Variants in PRKCH observed in about 807,000 individuals in gnomAD.
The protein encoded by PRKCH is protein kinase C eta type.
Under a neutral mutation model 82.5 loss-of-function variants are expected in PRKCH, and 28 were observed. That is an observed-to-expected ratio of 0.34 (90% CI 0.25 to 0.47). The LOEUF (loss-of-function observed/expected upper bound fraction) is 0.47. Ranked by LOEUF, PRKCH falls within the 20% of genes least tolerant of loss-of-function variation. The pLI, the probability that PRKCH is intolerant of heterozygous loss-of-function variation, is 1.00. For synonymous variants in PRKCH, 322 were observed against 327.4 expected, an observed-to-expected ratio of 0.98 and a Z score of 0.18; for missense variants, 705 against 881.8, an observed-to-expected ratio of 0.80 and a Z score of 2.54.
chr14:61,540,355 G>A (rs570802474), intron 12 of PRKCH, among the ~76,000 whole-genome samples: 48 of 152,342 alleles, frequency 3.2e-4, no homozygotes, highest in African/African-American at 1.1e-3. Flanking sequence ...AGTAAACTGT[G>A]TAATGATTCT....
At chr14:61,325,741 C>A (rs535692624) in intron 1 of PRKCH, among the ~76,000 whole-genome samples, 5 of 152,228 alleles carry the variant, frequency 3.3e-5, no homozygotes, top group African/African-American at 1.2e-4. Flanking sequence ...TATAAAAGAA[C>A]TCTAACAGCA....
At chr14:61,266,690 G>A (rs1044773001) in intron 1 of PRKCH, among the ~76,000 whole-genome samples, 9 of 152,166 alleles carry the variant, frequency 5.9e-5, no homozygotes, top group African/African-American at 1.9e-4. Flanking sequence ...ATTGTCTCAC[G>A]AGAATATGTA....
chr14:61,514,143 C>T (rs559430289), intron 10 of PRKCH, among the ~76,000 whole-genome samples: 5 of 152,034 alleles, frequency 3.3e-5, no homozygotes, highest in African/African-American at 9.7e-5. Flanking sequence ...CAGAACATGC[C>T]GGGGATACCA....
chr14:61,337,057 C>T (rs1469471189), intron 1 of PRKCH, among the ~76,000 whole-genome samples: 1 of 93,564 alleles, frequency 1.1e-5, no homozygotes, highest in Non-Finnish European at 1.9e-5. Flanking sequence ...TACGAAGTGA[C>T]AGTCTGTCTC....
intron 4 of PRKCH, among the ~76,000 whole-genome samples, chr14:61,447,586 C>T (rs979385119): frequency 1.3e-5 from 2 of 152,070 alleles, no homozygotes; most frequent in African/African-American, 2.4e-5. Flanking sequence ...AAACCATAAA[C>T]GGTATCTTCT....
At chr14:61,537,644 G>C (rs2043129319) in intron 12 of PRKCH, 1 of 152,172 alleles carries the variant, frequency 6.6e-6, no homozygotes, top group Non-Finnish European at 1.5e-5. Context: ...ACGTGACTCA[G>C]GGTCTACTCA....
chr14:61,393,417 T>A (rs1358955075), intron 2 of PRKCH, among the ~76,000 whole-genome samples: 1 of 152,178 alleles, frequency 6.6e-6, no homozygotes, highest in East Asian at 1.9e-4. Context: ...AATTAGTCAA[T>A]TCTGTAGTCC....
At chr14:61,372,903 C>T (rs2046381253) in intron 1 of PRKCH, among the ~76,000 whole-genome samples, 1 of 151,990 alleles carries the variant, frequency 6.6e-6, no homozygotes, top group East Asian at 1.9e-4. Flanking sequence ...TTTCACTGCC[C>T]TAAAAAAAAT....
intron 1 of PRKCH, among the ~76,000 whole-genome samples, chr14:61,235,695 CT>C (rs1203691812): frequency 6.6e-6 from 1 of 152,186 alleles, no homozygotes; most frequent in Non-Finnish European, 1.5e-5. Context: ...CTCCTATAAA[CT>C]TTTATCTTTG....
chr14:61,367,648 C>G (rs1237198455), intron 1 of PRKCH, among the ~76,000 whole-genome samples: 1 of 151,526 alleles, frequency 6.6e-6, no homozygotes, highest in Non-Finnish European at 1.5e-5. Context: ...GGATTTGTGT[C>G]CTGCTTGTGA....
At chr14:61,321,348 T>C (rs1004403397), upstream of PRKCH, among the ~76,000 whole-genome samples, 3 of 152,200 alleles carry the variant, frequency 2.0e-5, no homozygotes, top group African/African-American at 7.2e-5. This position sits in a 1 kb window ranked among gnomAD's most constrained non-coding sequence, Gnocchi z 4.1. Context: ...GCCTCAGGTG[T>C]TTGCTCGGGC....
intron 12 of PRKCH, among the ~76,000 whole-genome samples, chr14:61,533,886 C>T (rs893038128): frequency 6.6e-6 from 1 of 152,322 alleles, no homozygotes; most frequent in East Asian, 1.9e-4. Flanking sequence ...GAGGAGGGTT[C>T]GAGATAGCAA....
intron 1 of PRKCH, among the ~76,000 whole-genome samples, chr14:61,272,133 C>T (rs972306663): frequency 7.9e-5 from 12 of 151,470 alleles, no homozygotes; most frequent in African/African-American, 2.9e-4. Flanking sequence ...GAGGCTGAGG[C>T]AGGAGAATGG....
rs115618872 is a variant in PRKCH, at chr14:61,534,435, G to A, written c.1761+3840G>A. On this transcript the variant is annotated intron_variant, in intron 12 of 13. Transcript: ENST00000332981. Reference sequence around the variant, plus strand: ...TGTTCTTTACCAATATTGACTTGACGCCTTTTTCCAGAATTTTGTGTCCAC... The same window carrying A: ...TGTTCTTTACCAATATTGACTTGACACCTTTTTCCAGAATTTTGTGTCCAC... 4.5e-3 allele frequency among the ~76,000 whole-genome samples: 688 copies of A among 152,248 alleles called. 5 individuals carry two copies. The highest frequency in any genetic ancestry group is 0.015 in the African/African-American group (625 of 41,536).
At chr14:61,232,758 C>T (rs762585413) in intron 1 of PRKCH, among the ~76,000 whole-genome samples, 28 of 152,118 alleles carry the variant, frequency 1.8e-4, no homozygotes, top group Non-Finnish European at 3.7e-4. Flanking sequence ...CATTGGTGAT[C>T]AACTTAACTT....
chr14:61,352,717 A>AGAAC (rs2046098473), intron 1 of PRKCH, among the ~76,000 whole-genome samples: 1 of 151,824 alleles, frequency 6.6e-6, no homozygotes, highest in Non-Finnish European at 1.5e-5. Flanking sequence ...AAAGAAAGAA[A>AGAAC]GAAAGAAAGA....
chr14:61,222,822 G>C (rs1199307188), intron 1 of PRKCH, among the ~76,000 whole-genome samples: 2 of 152,184 alleles, frequency 1.3e-5, no homozygotes, highest in African/African-American at 4.8e-5. Context: ...AGACCAAAGA[G>C]CTCTCATGAA....
intron 1 of PRKCH, among the ~76,000 whole-genome samples, chr14:61,218,714 T>C (rs2044633624): frequency 6.6e-6 from 1 of 152,196 alleles, no homozygotes; most frequent in African/African-American, 2.4e-5. Context: ...GTGAGCTTGT[T>C]TCCTCATTGA....
At chr14:61,447,320 A>G (rs1350456701) in intron 4 of PRKCH, among the ~76,000 whole-genome samples, 1 of 152,246 alleles carries the variant, frequency 6.6e-6, no homozygotes, top group African/African-American at 2.4e-5. Flanking sequence ...ATAGAATCAC[A>G]AGGAAAAATG....
Sources: allele counts gnomAD v4.1 joint callset (sites outside exome capture counted in the v4.1 genomes callset), GRCh38; gene constraint gnomAD v4.1.1; non-coding constraint Gnocchi (gnomAD v3.1); transcripts MANE v1.5; gene names NCBI Gene and HGNC (gene_info 2026-07-23, HGNC 2026-07-21).